ARSK: variants seen among roughly 807,000 people sequenced by gnomAD.
ARSK encodes the protein arylsulfatase K.
Under a neutral mutation model 53.2 loss-of-function variants are expected in ARSK, and 37 were observed. The ratio of observed to expected loss-of-function variants is 0.70; its 90% CI spans 0.54 to 0.92. ARSK has a LOEUF of 0.92. Among genes scored for constraint, ARSK ranks in the 40% least tolerant of loss-of-function variants. The pLI, the probability that ARSK is intolerant of heterozygous loss-of-function variation, is 0.00. For missense variants in ARSK, 613 were observed against 643.0 expected (o/e 0.95, Z 0.51); for synonymous variants, 208 against 223.2 (o/e 0.93, Z 0.61).
At chr5:95,559,525 A>T (rs898550405) in intron 1 of ARSK, among the ~76,000 whole-genome samples, 1 of 152,248 alleles carries the variant, frequency 6.6e-6, no homozygotes, top group Non-Finnish European at 1.5e-5. Context: ...CACCATTACC[A>T]AGTGGAATTT....
At chr5:95,559,736 T>C (rs1270734113) in intron 1 of ARSK, among the ~76,000 whole-genome samples, 1 of 152,128 alleles carries the variant, frequency 6.6e-6, no homozygotes, top group Non-Finnish European at 1.5e-5. Flanking sequence ...GCCAGAACTT[T>C]ACACTGAATG....
In ARSK at chr5:95,583,153, T is replaced by C. The variant is rs1358950784; in HGVS notation, c.654T>C (p.Asn218=). 3 of 1,597,462 alleles carry C rather than the reference T, an allele frequency of 1.9e-6. No individual in the cohort carries two copies. The African/African-American group carries it at 4.0e-5, about 21-fold the overall frequency. Residue 218 remains asparagine (N), a synonymous_variant, in exon 4 of 8, where the codon AAT becomes AAC. Transcript: ENST00000380009. ...ACCCTTCACCATCTTCTGGAGAAAA[T>C]TTTGGATCTTCAACATTTCACACAT... The part of the protein sequence containing the change: ...HPYPSPSSGE[N]FGSSTFHTSL...
Position 95,580,852 on chromosome 5 carries a change from A to T in ARSK, c.417-2064A>T, listed in dbSNP as rs144169038. 1,317 of 1,191,236 alleles carry T rather than the reference A, an allele frequency of 1.1e-3. 2 individuals carry two copies. Among genetic ancestry groups the T allele is most frequent in the Middle Eastern group, 3.0e-3 (10 of 3,308 alleles). The allele number at this position is 1,191,236 out of a possible 1,614,324, so 73.8% of individuals were successfully genotyped here. ...TCACTTTATACTCATGTTCTTCCTC[A>T]CTAATTTGCAAAGAAATAAATTGTT... is the stretch of plus-strand genomic sequence containing the variant. On this transcript the variant is annotated intron_variant, in intron 3 of 7. Transcript: ENST00000380009.
At position 95,555,922 on chromosome 5, in the gene ARSK, A is replaced by G. The variant is rs895679357; in HGVS notation, c.126+518A>G. On this transcript the variant is annotated intron_variant, in intron 1 of 7. Coordinates refer to ENST00000380009, the MANE Select transcript of ARSK (RefSeq NM_198150.3). The surrounding 1 kb of genome is among the most constrained non-coding windows in gnomAD (Gnocchi z 4.0). ...GGTATAACTTGATTCACTCCCCCGT[A>G]TTCCAGAGAAATTGTGTGTATGTGT... is the stretch of plus-strand genomic sequence containing the variant. Among the ~76,000 whole-genome samples the G allele has an allele frequency of 3.0e-4, 46 of 152,206 alleles. No homozygotes were observed. Among genetic ancestry groups the G allele is most frequent in the Non-Finnish European group, 5.9e-4 (40 of 68,026 alleles).
chr5:95,568,190 A>C, intron 3 of ARSK, 141 bp downstream of exon 3: 1 of 887,854 alleles, frequency 1.1e-6, no homozygotes, highest in Non-Finnish European at 1.6e-6. Context: ...AATTAGGCTG[A>C]AATTTTAGCT....
Position 95,604,952 on chromosome 5 carries a change from AT to A in ARSK, c.*1432del, listed in dbSNP as rs1163756492. 1.3e-5 allele frequency: 2 copies of A among 152,100 alleles called. No homozygotes were observed. Among genetic ancestry groups the A allele is most frequent in the Non-Finnish European group, 2.9e-5 (2 of 68,012 alleles). 9.4% of individuals were successfully genotyped at this position (152,100 alleles called of 1,614,324 possible). On this transcript the variant is annotated 3_prime_UTR_variant, in exon 8 of 8. Coordinates refer to ENST00000380009, the MANE Select transcript of ARSK (RefSeq NM_198150.3). ...ATTTGTCTTTTGACTTTGTTCTGGTATTTTTTGATATGTAGAAATTTTTATT... is the reference window on the plus strand; with the variant it reads ...ATTTGTCTTTTGACTTTGTTCTGGTATTTTTGATATGTAGAAATTTTTATT...
At chr5:95,565,254 A>ATTT (rs553588408) in intron 1 of ARSK, among the ~76,000 whole-genome samples, 219 of 151,386 alleles carry the variant, frequency 1.4e-3, no homozygotes, top group African/African-American at 5.2e-3. Context: ...AAGCTGCCTA[A>ATTT]TTTTTTTTTG....
chr5:95,588,483 A>C (rs1421897807), intron 5 of ARSK, among the ~76,000 whole-genome samples: 1 of 151,718 alleles, frequency 6.6e-6, no homozygotes, highest in Non-Finnish European at 1.5e-5. Context: ...GATCCTCCCA[A>C]AGTGCTGGGA....
intron 1 of ARSK, among the ~76,000 whole-genome samples, chr5:95,563,766 C>T (rs1234787992): frequency 6.6e-6 from 1 of 152,122 alleles, no homozygotes; most frequent in Admixed American, 6.5e-5. Flanking sequence ...ACCTTTAAGA[C>T]AGTTCTACCT....
chr5:95,566,648 T>G (rs761887886), intron 2 of ARSK, among the ~76,000 whole-genome samples: 3 of 152,222 alleles, frequency 2.0e-5, no homozygotes, highest in African/African-American at 4.8e-5. Context: ...TTATAATAAT[T>G]TAACAAATAG....
At chr5:95,586,536 A>G in intron 4 of ARSK, 26 bp from the exon 5 acceptor site, 1 of 1,583,912 alleles carries the variant, frequency 6.3e-7, no homozygotes, top group Non-Finnish European at 8.6e-7. Flanking sequence ...TTGCTAGCAT[A>G]ACTAAGTTTT....
chr5:95,591,576 A>G lies in ARSK; in HGVS notation c.1047A>G (p.Leu349=), dbSNP rs1277000354. Residue 349 remains leucine, a synonymous_variant, in exon 6 of 8, where the codon CTA becomes CTG. Coordinates refer to ENST00000380009, the MANE Select transcript of ARSK (RefSeq NM_198150.3). The part of the protein sequence containing the change: ...LMMGPGIKAG[L]QVSNVVSLVD... ...TGGGACCAGGAATTAAAGCCGGCCT[A>G]CAAGTATCAAATGTGGTTTCTCTTG... 5.0e-6 allele frequency: 8 copies of G among 1,614,052 alleles called. No homozygotes were observed. Among genetic ancestry groups the G allele is most frequent in the East Asian group, 2.2e-5 (1 of 44,888 alleles).
chr5:95,561,410 A>G (rs1748634250), intron 1 of ARSK, among the ~76,000 whole-genome samples: 1 of 152,246 alleles, frequency 6.6e-6, no homozygotes, highest in African/African-American at 2.4e-5. Context: ...TCCTAGGTGT[A>G]TATTCAAGGG....
chr5:95,595,671 GGAGA>G (rs1195670500), intron 6 of ARSK, among the ~76,000 whole-genome samples: 29 of 152,108 alleles, frequency 1.9e-4, no homozygotes, highest in African/African-American at 7.0e-4. Context: ...CTACTAGAAG[GGAGA>G]GGGAGGGAGG....
At chr5:95,587,478 A>T (rs1186046895) in intron 5 of ARSK, among the ~76,000 whole-genome samples, 1 of 152,236 alleles carries the variant, frequency 6.6e-6, no homozygotes, top group Non-Finnish European at 1.5e-5. Flanking sequence ...TCTTCTGTAC[A>T]GAGTAAACTT....
chr5:95,594,843 CAA>C lies in ARSK; in HGVS notation c.1096+3231_1096+3232del, dbSNP rs57534709. Among the ~76,000 whole-genome samples the C allele has an allele frequency of 2.2e-3, 310 of 141,764 alleles. 1 individual carries two copies. Among genetic ancestry groups the C allele is most frequent in the Middle Eastern group, 0.011 (3 of 276 alleles). The allele number at this position is 141,764 out of a possible 152,430, so 93.0% of individuals were successfully genotyped here. A position where few individuals can be genotyped will look rare whatever the true frequency, so the allele number is the denominator to read the frequency against. ...TGACAGAGCGAGACTACGTCTCAAACAAAAAAAAAAAAAAGAAAGAAATAGTC... is the reference window on the plus strand; with the variant it reads ...TGACAGAGCGAGACTACGTCTCAAACAAAAAAAAAAAAGAAAGAAATAGTC... On this transcript the variant is annotated intron_variant, in intron 6 of 7. Transcript: ENST00000380009.
rs553716971 is a variant in ARSK, at chr5:95,558,316, G to GAAGACC, written c.126+2915_126+2920dup. Among the ~76,000 whole-genome samples, 240 of 152,252 alleles carry GAAGACC rather than the reference G, an allele frequency of 1.6e-3. 3 individuals carry two copies. The highest frequency in any genetic ancestry group is 5.6e-3 in the African/African-American group (234 of 41,552). On this transcript the variant is annotated intron_variant, in intron 1 of 7. Transcript: ENST00000380009. The stretch of plus-strand genomic sequence containing the variant: ...TTCCATACCAGGAGAGACAAGCTGA[G>GAAGACC]AAGACCAAACAAGCTTCTGCAAAGC...
At chr5:95,564,479 C>T (rs1210642918) in intron 1 of ARSK, among the ~76,000 whole-genome samples, 3 of 152,170 alleles carry the variant, frequency 2.0e-5, no homozygotes, top group East Asian at 3.9e-4. Context: ...ACATCCCTCC[C>T]GTTTTTCTGT....
chr5:95,573,735 T>C (rs1456379964), intron 3 of ARSK, among the ~76,000 whole-genome samples: 1 of 152,216 alleles, frequency 6.6e-6, no homozygotes, highest in African/African-American at 2.4e-5. Flanking sequence ...GTATTTTTAA[T>C]TGTTGTATGT....
Sources: gnomAD v4.1 joint callset for allele counts (sites outside exome capture counted in the v4.1 genomes callset) on GRCh38, gnomAD v4.1.1 for gene constraint, Gnocchi (gnomAD v3.1) non-coding constraint, MANE v1.5 for transcripts, NCBI Gene and HGNC (gene_info 2026-07-23, HGNC 2026-07-21) for gene names.